PRRC2C: variants seen among roughly 807,000 people sequenced by gnomAD.
PRRC2C encodes proline rich coiled-coil 2C, also known as protein PRRC2C.
A neutral mutation model predicts 317.2 loss-of-function variants in PRRC2C; 72 were observed. The ratio of observed to expected loss-of-function variants is 0.23; its 90% CI spans 0.19 to 0.28. The LOEUF is 0.28. Ranked by LOEUF, PRRC2C falls within the 10% of genes least tolerant of loss-of-function variation. The probability of loss-of-function intolerance (pLI) is 1.00; values close to 1 mark genes in which losing one functional copy is unlikely to be tolerated. For synonymous variants in PRRC2C, 1,296 were observed against 1,205.9 expected, an observed-to-expected ratio of 1.07 and a Z score of -1.55; for missense variants, 3,074 against 3,459.7, an observed-to-expected ratio of 0.89 and a Z score of 2.80.
rs746214767 is a variant in PRRC2C, at chr1:171,571,341, C to T, written c.6673C>T (p.Pro2225Ser). ...VNNVPLPNTLPLPKRETIQQS... is the reference protein window; with the variant it reads ...VNNVPLPNTLSLPKRETIQQS... Reference sequence around the variant, plus strand: ...TCAGGTGCCCCTGCCCAACACCCTTCCCCTCCCTAAGAGGGAGACTATACA... The same window carrying T: ...TCAGGTGCCCCTGCCCAACACCCTTTCCCTCCCTAAGAGGGAGACTATACA... The change falls in exon 24 of 35, where the codon CCC (proline) becomes TCC (serine). Residue 2225 changes from proline to serine, a missense_variant. By Grantham distance (74) the Pro-to-Ser change is moderately conservative (BLOSUM62 -1). This residue lies in a region of PRRC2C where 640 missense variants were observed against 676.1 expected (regional missense o/e 0.95). Coordinates refer to ENST00000647382, the MANE Select transcript of PRRC2C (RefSeq NM_001387844.1). 1 of 1,610,342 alleles carries T rather than the reference C, an allele frequency of 6.2e-7. No individual in the cohort carries two copies. Among genetic ancestry groups the T allele is most frequent in the South Asian group, 1.1e-5 (1 of 90,946 alleles).
chr1:171,579,740 C>T lies in PRRC2C; in HGVS notation c.7273-88C>T, dbSNP rs927452717. 4 of 1,398,008 alleles carry T rather than the reference C, an allele frequency of 2.9e-6. No homozygotes were observed. The South Asian group carries it at 6.7e-5, about 23-fold the overall frequency. 86.6% of individuals were successfully genotyped at this position (1,398,008 alleles called of 1,614,324 possible). The stretch of plus-strand genomic sequence containing the variant: ...TATATAGTATTAATTTTACTCTTTT[C>T]ATGTCTCAAATTTTTATATTCCAGT... On this transcript the variant is annotated intron_variant, in intron 27 of 34. Coordinates refer to ENST00000647382, the MANE Select transcript of PRRC2C (RefSeq NM_001387844.1).
intron 12 of PRRC2C, among the ~76,000 whole-genome samples, 158 bp downstream of exon 12, chr1:171,533,119 T>G (rs1270073812): frequency 2.6e-5 from 4 of 152,234 alleles, no homozygotes. Context: ...AGCCGTGTTT[T>G]CTAATTCTGT....
At position 171,589,600 on chromosome 1, in the gene PRRC2C, A is replaced by G. The variant is rs1311995422; in HGVS notation, c.8431A>G (p.Met2811Val). The change falls in exon 34 of 35, where the codon ATG (methionine) becomes GTG (valine). Residue 2811 changes from methionine to valine, a missense_variant. This residue lies in a region of PRRC2C where 3 missense variants were observed against 20.9 expected (regional missense o/e 0.14). Transcript: ENST00000647382. The stretch of plus-strand genomic sequence containing the variant: ...GGCTGCGTTGAAGGCTGAACAAGAC[A>G]TGAAGGTTAGTACAGTGTTAACAGC... ...AQAALKAEQD[M>V]KAKQRAEVLQ... 5.4e-6 allele frequency: 7 copies of G among 1,288,886 alleles called. No homozygotes were observed. Among genetic ancestry groups the G allele is most frequent in the African/African-American group, 1.5e-5 (1 of 65,838 alleles). The allele number at this position is 1,288,886 out of a possible 1,614,324, so 79.8% of individuals were successfully genotyped here.
rs551167552 is a variant in PRRC2C at position 171,590,928 on chromosome 1, A to G, written c.8437-659A>G. Among the ~76,000 whole-genome samples, 47 of 152,354 alleles carry G rather than the reference A, an allele frequency of 3.1e-4. No individual in the cohort carries two copies. The South Asian group carries it at 8.5e-3, about 28-fold the overall frequency. ...GATCTTTGGATAGTACAGGTTACCT[A>G]TAGAACATAAAGCATTTTTTTAATA... is the stretch of plus-strand genomic sequence containing the variant. On this transcript the variant is annotated intron_variant, in intron 34 of 34. Coordinates refer to ENST00000647382, the MANE Select transcript of PRRC2C (RefSeq NM_001387844.1).
chr1:171,544,445 A>G (rs1274739038), intron 16 of PRRC2C, among the ~76,000 whole-genome samples: 1 of 152,220 alleles, frequency 6.6e-6, no homozygotes, highest in Non-Finnish European at 1.5e-5. Flanking sequence ...CTTTTGAGGG[A>G]TATGTTCAAA....
chr1:171,500,474 C>T (rs770275613), intron 1 of PRRC2C, among the ~76,000 whole-genome samples: 7 of 152,136 alleles, frequency 4.6e-5, no homozygotes, highest in Non-Finnish European at 8.8e-5. Context: ...TCATAGCTCA[C>T]TGCAGCCCTG....
chr1:171,519,179 C>T (rs760831488), intron 6 of PRRC2C, among the ~76,000 whole-genome samples: 3 of 152,092 alleles, frequency 2.0e-5, no homozygotes, highest in Non-Finnish European at 4.4e-5. Flanking sequence ...TCACCATGCC[C>T]GCTCTTTTCC....
At position 171,532,953 on chromosome 1, in the gene PRRC2C, G is replaced by A. The variant is rs749617228; in HGVS notation, c.1865G>A (p.Cys622Tyr). The A allele has an allele frequency of 1.9e-6, 3 of 1,549,028 alleles. No individual in the cohort carries two copies. Among genetic ancestry groups the A allele is most frequent in the Non-Finnish European group, 2.6e-6 (3 of 1,159,242 alleles). The change falls in exon 12 of 35, where the codon TGT (cysteine) becomes TAT (tyrosine). Residue 622 changes from cysteine (C) to tyrosine (Y), a missense_variant. Around this residue, in one of 11 missense-constraint regions of PRRC2C, gnomAD observed 1,320 missense variants for 1,395.7 expected, o/e 0.95. Transcript: ENST00000647382. ...GAAAAACAAGAAAGTGAAAACAGCT[G>A]TAATAAAGGTTTGATAGTATTCTTC... is the stretch of plus-strand genomic sequence containing the variant. ...MVEKQESENSCNKEEEPVFTR... is the reference protein window; with the variant it reads ...MVEKQESENSYNKEEEPVFTR...
intron 3 of PRRC2C, 96 bp downstream of exon 3, chr1:171,513,268 G>A: frequency 8.1e-7 from 1 of 1,236,866 alleles, no homozygotes; most frequent in Non-Finnish European, 1.1e-6. Context: ...TATGCTGTCT[G>A]TATTACATAT....
chr1:171,511,948 T>C, intron 1 of PRRC2C, 84 bp from the exon 2 acceptor site: 1 of 518,104 alleles, frequency 1.9e-6, no homozygotes, highest in South Asian at 2.5e-5. Context: ...ATCATTGATA[T>C]GGGAAGTTTT....
intron 11 of PRRC2C, among the ~76,000 whole-genome samples, chr1:171,530,274 CAG>C (rs1163166089): frequency 9.9e-6 from 1 of 101,214 alleles, no homozygotes; most frequent in African/African-American, 4.0e-5. Context: ...TTTTGCGCAA[CAG>C]AGTCTTGCTC....
intron 20 of PRRC2C, among the ~76,000 whole-genome samples, chr1:171,565,460 T>C (rs1044953223): frequency 6.6e-6 from 1 of 152,186 alleles, no homozygotes; most frequent in African/African-American, 2.4e-5. Context: ...TTGGTTTGTT[T>C]GTTTTTGAGA....
chr1:171,505,114 G>A (rs939387820), intron 1 of PRRC2C, among the ~76,000 whole-genome samples: 3 of 149,486 alleles, frequency 2.0e-5, no homozygotes, highest in Non-Finnish European at 3.0e-5. Flanking sequence ...GGCAAACTCC[G>A]CCTCCTGGGT....
intron 17 of PRRC2C, among the ~76,000 whole-genome samples, chr1:171,547,633 CTTTTTTTTTTTTGTTT>C (rs1679369419): frequency 7.7e-6 from 1 of 129,840 alleles, no homozygotes; most frequent in South Asian, 2.4e-4. Context: ...AGTTTCCCTT[CTTTTTTTTTTTTGTTT>C]TTTTTTTTTT....
At position 171,532,681 on chromosome 1, in the gene PRRC2C, G is replaced by A; in HGVS notation, c.1593G>A (p.Lys531=). 6.4e-7 allele frequency: 1 copy of A among 1,551,180 alleles called. No individual in the cohort carries two copies. The highest frequency in any genetic ancestry group is 2.0e-5 in the Admixed American group (1 of 50,882). ...LEKEQEQERE[K]EREKDRERQQ... ...AAGAACAAGAACAGGAGCGAGAGAA[G>A]GAGAGGGAAAAAGACAGAGAGAGAC... is the stretch of plus-strand genomic sequence containing the variant. Residue 531 remains lysine, a synonymous_variant, in exon 12 of 35, where the codon AAG becomes AAA. Coordinates refer to ENST00000647382, the MANE Select transcript of PRRC2C (RefSeq NM_001387844.1).
chr1:171,535,962 T>A, intron 13 of PRRC2C, 67 bp from the exon 14 acceptor site: 4 of 1,513,462 alleles, frequency 2.6e-6, no homozygotes, highest in Non-Finnish European at 3.6e-6. Context: ...TATTTTGTGA[T>A]ATGATTGATT....
At chr1:171,502,244 C>T (rs1456602126) in intron 1 of PRRC2C, among the ~76,000 whole-genome samples, 1 of 152,232 alleles carries the variant, frequency 6.6e-6, no homozygotes, top group Non-Finnish European at 1.5e-5. Context: ...GTTTGCTTTT[C>T]AGTGGTTCTC....
chr1:171,521,772 G>T (rs1673622120), intron 6 of PRRC2C, among the ~76,000 whole-genome samples: 1 of 152,158 alleles, frequency 6.6e-6, no homozygotes, highest in South Asian at 2.1e-4. Flanking sequence ...TTGCTAGGGT[G>T]CATGTGTGTA....
At chr1:171,505,361 C>T (rs939121983) in intron 1 of PRRC2C, among the ~76,000 whole-genome samples, 4 of 152,062 alleles carry the variant, frequency 2.6e-5, no homozygotes, top group African/African-American at 4.8e-5. Flanking sequence ...ACAAATGGCA[C>T]TATATGTAAT....
Sources: gnomAD v4.1 joint callset for allele counts (sites outside exome capture counted in the v4.1 genomes callset) on GRCh38, gnomAD v4.1.1 for gene constraint, gnomAD v4.1.1 regional missense constraint, MANE v1.5 for transcripts, NCBI Gene and HGNC (gene_info 2026-07-23, HGNC 2026-07-21) for gene names.